CSMD3: variants seen among roughly 807,000 people sequenced by gnomAD.
CSMD3 encodes CUB and sushi domain-containing protein 3.
In CSMD3, 177 loss-of-function variants were observed where a neutral mutation model predicts 435.2. The ratio of observed to expected loss-of-function variants is 0.41; its 90% CI spans 0.36 to 0.46. The LOEUF (loss-of-function observed/expected upper bound fraction) is 0.46, where lower values mean the gene tolerates loss of function less well. Ranked by LOEUF, CSMD3 falls within the 20% of genes least tolerant of loss-of-function variation. CSMD3 has a pLI of 0.34. For missense variants in CSMD3, 4,265 were observed against 4,504.6 expected (o/e 0.95, Z 1.52); for synonymous variants, 1,656 against 1,520.5 (o/e 1.09, Z -2.07).
chr8:112,243,234 A>C (rs1206007828), intron 65 of CSMD3, among the ~76,000 whole-genome samples: 1 of 118,564 alleles, frequency 8.4e-6, no homozygotes, highest in Non-Finnish European at 1.9e-5. Context: ...GATTTCAATC[A>C]TAAAAAAAAA....
chr8:113,061,121 T>C, intron 5 of CSMD3, among the ~76,000 whole-genome samples: 1 of 152,106 alleles, frequency 6.6e-6, no homozygotes, highest in African/African-American at 2.4e-5. Flanking sequence ...GTCTTTTCTG[T>C]GGGGCCATAA....
At chr8:112,295,449 C>T (rs955372157) in intron 54 of CSMD3, among the ~76,000 whole-genome samples, 1 of 152,000 alleles carries the variant, frequency 6.6e-6, no homozygotes, top group Non-Finnish European at 1.5e-5. Flanking sequence ...ATATTTTCCA[C>T]TATAAAAAGC....
chr8:112,625,578 C>T (rs1041514368), intron 22 of CSMD3, among the ~76,000 whole-genome samples: 6 of 152,050 alleles, frequency 3.9e-5, no homozygotes, highest in Non-Finnish European at 8.8e-5. Context: ...TAAAAGCTAT[C>T]CATCACCTTT....
intron 12 of CSMD3, among the ~76,000 whole-genome samples, chr8:112,809,754 G>A (rs1034779437): frequency 1.3e-5 from 2 of 151,986 alleles, no homozygotes; most frequent in Non-Finnish European, 2.9e-5. Context: ...TCTGACTACA[G>A]GTTCCTGACC....
At chr8:112,618,501 C>T (rs1833821614) in intron 22 of CSMD3, among the ~76,000 whole-genome samples, 1 of 151,982 alleles carries the variant, frequency 6.6e-6, no homozygotes, top group Non-Finnish European at 1.5e-5. Context: ...GCCTGGGTTC[C>T]TTCCAAGGAA....
intron 27 of CSMD3, among the ~76,000 whole-genome samples, chr8:112,545,930 A>T (rs1827144534): frequency 6.6e-6 from 1 of 152,196 alleles, no homozygotes; most frequent in Non-Finnish European, 1.5e-5. Flanking sequence ...TTAGTAAACC[A>T]GGGAAGAGCA....
intron 3 of CSMD3, among the ~76,000 whole-genome samples, chr8:113,206,218 G>T (rs747453779): frequency 1.6e-4 from 24 of 151,734 alleles, no homozygotes; most frequent in South Asian, 4.2e-4. Flanking sequence ...TTTCTTTATA[G>T]TTATGCAGCA....
intron 13 of CSMD3, among the ~76,000 whole-genome samples, chr8:112,794,577 G>A (rs185307992): frequency 6.6e-6 from 1 of 151,952 alleles, no homozygotes; most frequent in African/African-American, 2.4e-5. Flanking sequence ...TTATAGGTAT[G>A]AGCCACTGCG....
At chr8:112,928,538 T>C (rs1380976502) in intron 9 of CSMD3, among the ~76,000 whole-genome samples, 1 of 151,978 alleles carries the variant, frequency 6.6e-6, no homozygotes, top group Non-Finnish European at 1.5e-5. Context: ...ATATGTGGTG[T>C]TTGGTTTTTT....
chr8:113,166,273 G>C (rs2092147441), intron 4 of CSMD3, among the ~76,000 whole-genome samples: 1 of 152,062 alleles, frequency 6.6e-6, no homozygotes, highest in Non-Finnish European at 1.5e-5. Context: ...GGGAGGTCGA[G>C]GCAAATGGAT....
intron 4 of CSMD3, among the ~76,000 whole-genome samples, chr8:113,134,644 T>C (rs760530373): frequency 2.6e-5 from 4 of 152,236 alleles, no homozygotes; most frequent in East Asian, 1.9e-4. Flanking sequence ...ATTTATAATT[T>C]TGTAATATAA....
intron 10 of CSMD3, among the ~76,000 whole-genome samples, chr8:112,863,534 A>G: frequency 6.6e-6 from 1 of 152,022 alleles, no homozygotes; most frequent in East Asian, 1.9e-4. Context: ...TGCCAGTACC[A>G]TACTGTTTTA....
intron 13 of CSMD3, among the ~76,000 whole-genome samples, chr8:112,783,779 A>C (rs536567666): frequency 2.6e-4 from 40 of 152,124 alleles, no homozygotes; most frequent in Admixed American, 2.3e-3. Context: ...ACAAGAAAAA[A>C]GCAGGAGTGG....
At chr8:112,796,383 T>C (rs1238992985) in intron 13 of CSMD3, among the ~76,000 whole-genome samples, 1 of 152,076 alleles carries the variant, frequency 6.6e-6, no homozygotes, top group Admixed American at 6.6e-5. Flanking sequence ...AAACTTCCTA[T>C]CATCATGGTG....
At chr8:112,400,588 TA>T (rs1362915243) in intron 35 of CSMD3, among the ~76,000 whole-genome samples, 4 of 152,076 alleles carry the variant, frequency 2.6e-5, no homozygotes, top group Non-Finnish European at 5.9e-5. Flanking sequence ...TCTTTTGCCC[TA>T]AAAGTAGGAA....
chr8:112,735,389 T>C (rs1272292396), intron 13 of CSMD3, among the ~76,000 whole-genome samples: 4 of 151,844 alleles, frequency 2.6e-5, no homozygotes, highest in Admixed American at 6.6e-5. Context: ...CCAGTGGGAG[T>C]TCCTGATCTT....
rs1486425756 is a variant in CSMD3, at chr8:113,098,932, T to C, written c.741A>G (p.Gly247=). The part of the protein sequence containing the change: ...AEDACGGTMR[G]SSGIISSPSF... ...TAGGGCTGGATATGATGCCACTGGA[T>C]CCTCTCATTGTTCCTCCACAAGCAT... The change falls in exon 5 of 71, where the codon GGA becomes GGG. Residue 247 remains glycine, a synonymous_variant. Transcript: ENST00000297405. 6.2e-7 allele frequency: 1 copy of C among 1,611,828 alleles called. No homozygotes were observed. The highest frequency in any genetic ancestry group is 8.5e-7 in the Non-Finnish European group (1 of 1,178,296).
chr8:112,870,648 T>C (rs886667991), intron 10 of CSMD3, among the ~76,000 whole-genome samples: 2 of 152,110 alleles, frequency 1.3e-5, no homozygotes, highest in African/African-American at 2.4e-5. Flanking sequence ...TATTAGATAA[T>C]ATGTTTTTAA....
intron 22 of CSMD3, among the ~76,000 whole-genome samples, chr8:112,617,259 C>T (rs1833731130): frequency 6.6e-6 from 1 of 152,120 alleles, no homozygotes; most frequent in Non-Finnish European, 1.5e-5. Flanking sequence ...TCTTCCATGT[C>T]TCAACACAAA....
Sources: allele counts gnomAD v4.1 joint callset (sites outside exome capture counted in the v4.1 genomes callset), GRCh38; gene constraint gnomAD v4.1.1; transcripts MANE v1.5; gene names NCBI Gene and HGNC (gene_info 2026-07-23, HGNC 2026-07-21).